The following CDKN2B-AS1 variants were observed in gnomAD, a reference collection of about 807,000 sequenced individuals.
The protein encoded by CDKN2B-AS1 is CDKN2B and CDKN2A antisense cis and trans regulatory RNA 1.
At chr9:22,101,137 C>G (rs1825470115) in intron 4 of CDKN2B-AS1, among the ~76,000 whole-genome samples, 1 of 152,188 alleles carries the variant, frequency 6.6e-6, no homozygotes, top group African/African-American at 2.4e-5. Flanking sequence ...CTTTCAGAGA[C>G]ACCCTTCAAC....
intron 1 of CDKN2B-AS1, among the ~76,000 whole-genome samples, chr9:21,998,712 T>TA (rs1291130029): frequency 6.6e-6 from 1 of 152,222 alleles, no homozygotes; most frequent in Admixed American, 6.5e-5. Context: ...AGAAAAATCT[T>TA]ACTGAATATC....
At chr9:22,026,631 T>C (rs1331583724) in intron 1 of CDKN2B-AS1, among the ~76,000 whole-genome samples, 3 of 152,206 alleles carry the variant, frequency 2.0e-5, no homozygotes, top group Non-Finnish European at 4.4e-5. Context: ...TCTCTGCTGA[T>C]CTCGCTGGAT....
At chr9:22,075,939 G>A (rs1824474328) in intron 4 of CDKN2B-AS1, among the ~76,000 whole-genome samples, 1 of 152,196 alleles carries the variant, frequency 6.6e-6, no homozygotes, top group Non-Finnish European at 1.5e-5. Flanking sequence ...GAAGGGTGAG[G>A]ACAGGAAGCA....
intron 4 of CDKN2B-AS1, among the ~76,000 whole-genome samples, chr9:22,079,255 G>T (rs932199658): frequency 6.6e-6 from 1 of 152,156 alleles, no homozygotes; most frequent in African/African-American, 2.4e-5. Context: ...AAGCCGAGGC[G>T]GGAGGATCAC....
intron 1 of CDKN2B-AS1, among the ~76,000 whole-genome samples, chr9:22,007,231 G>T (rs1821232603): frequency 6.6e-6 from 1 of 152,062 alleles, no homozygotes; most frequent in Non-Finnish European, 1.5e-5. Flanking sequence ...GCATGGTGGG[G>T]CGTGCCTGTA....
chr9:22,098,414 C>G (rs1180751946), intron 4 of CDKN2B-AS1, among the ~76,000 whole-genome samples: 3 of 147,284 alleles, frequency 2.0e-5, no homozygotes, highest in South Asian at 4.2e-4. Flanking sequence ...ATGCCATGGG[C>G]AAGAATTTTT....
At chr9:22,033,569 C>T (rs1240525928) in intron 1 of CDKN2B-AS1, among the ~76,000 whole-genome samples, 1 of 152,132 alleles carries the variant, frequency 6.6e-6, no homozygotes, top group African/African-American at 2.4e-5. Flanking sequence ...TAAAGCATAA[C>T]ATATAATAAC....
chr9:22,127,120 C>T (rs1032232676), exon 5 of CDKN2B-AS1, among the ~76,000 whole-genome samples: 4 of 151,926 alleles, frequency 2.6e-5, no homozygotes, highest in East Asian at 1.9e-4. Context: ...GTCACTCTGT[C>T]GCCCAGGCTG....
At chr9:22,033,531 A>T (rs571053675) in intron 1 of CDKN2B-AS1, among the ~76,000 whole-genome samples, 49 of 152,274 alleles carry the variant, frequency 3.2e-4, no homozygotes, top group Non-Finnish European at 5.9e-4. Context: ...TCCAATAAAA[A>T]CCTCATAATT....
intron 1 of CDKN2B-AS1, among the ~76,000 whole-genome samples, chr9:22,013,117 T>A (rs945292821): frequency 6.6e-6 from 1 of 152,208 alleles, no homozygotes; most frequent in African/African-American, 2.4e-5. Flanking sequence ...CCTGGATCTC[T>A]TGTGTGTGTC....
intron 1 of CDKN2B-AS1, among the ~76,000 whole-genome samples, chr9:22,038,325 T>A (rs1563938987): frequency 6.6e-6 from 1 of 151,988 alleles, no homozygotes; most frequent in Non-Finnish European, 1.5e-5. Flanking sequence ...TTCTTTAGTA[T>A]AATTCATTAA....
At position 21,996,450 on chromosome 9, in the gene CDKN2B-AS1, C is replaced by T. The variant is rs1370548495; in HGVS notation, n.29+1289C>T. On this transcript the variant is annotated intron_variant and non_coding_transcript_variant, in intron 1 of 4. Coordinates refer to ENST00000650946, the Ensembl canonical transcript of CDKN2B-AS1. The surrounding 1 kb of genome is among the most constrained non-coding windows in gnomAD (Gnocchi z 5.4). The stretch of plus-strand genomic sequence containing the variant: ...CCTCTTCGCAAATATAGCTCTTTTT[C>T]CTTCAGGTCTCTTCTGAAGTAAGTA... 1.3e-5 allele frequency among the ~76,000 whole-genome samples: 2 copies of T among 152,070 alleles called. No individual in the cohort carries two copies. The highest frequency in any genetic ancestry group is 2.4e-5 in the African/African-American group (1 of 41,394).
chr9:22,087,620 T>C (rs938932639), intron 4 of CDKN2B-AS1, among the ~76,000 whole-genome samples: 1 of 152,214 alleles, frequency 6.6e-6, no homozygotes, highest in African/African-American at 2.4e-5. Flanking sequence ...CTGTCAATCT[T>C]TTGAAAATAA....
At chr9:22,017,226 A>G (rs1425365137) in intron 1 of CDKN2B-AS1, among the ~76,000 whole-genome samples, 1 of 152,204 alleles carries the variant, frequency 6.6e-6, no homozygotes, top group Non-Finnish European at 1.5e-5. Context: ...GGAGTTCGAG[A>G]CCAGCCTGGC....
At chr9:22,059,351 G>T (rs112676209) in intron 4 of CDKN2B-AS1, among the ~76,000 whole-genome samples, 2 of 152,164 alleles carry the variant, frequency 1.3e-5, no homozygotes, top group African/African-American at 4.8e-5. Context: ...GAAGCAAAAG[G>T]GTTACAGGGC....
intron 4 of CDKN2B-AS1, among the ~76,000 whole-genome samples, chr9:22,123,749 T>C (rs1826140077): frequency 1.3e-5 from 2 of 152,202 alleles, no homozygotes; most frequent in Non-Finnish European, 2.9e-5. Flanking sequence ...TAGATTTATC[T>C]GTGTTGTTCC....
At position 22,081,921 on chromosome 9, in the gene CDKN2B-AS1, T is replaced by C. The variant is rs369583827; in HGVS notation, n.438+25534T>C. On this transcript the variant is annotated intron_variant and non_coding_transcript_variant, in intron 4 of 4. Transcript: ENST00000650946. ...ATTTTCCCAGGAGTTTTTTTTACTCTGTCTCCTCTTTCCTTCATATACCCC... is the reference window on the plus strand; with the variant it reads ...ATTTTCCCAGGAGTTTTTTTTACTCCGTCTCCTCTTTCCTTCATATACCCC... 8.5e-5 allele frequency among the ~76,000 whole-genome samples: 13 copies of C among 152,356 alleles called. No individual in the cohort carries two copies. The East Asian group carries it at 2.3e-3, about 27-fold the overall frequency.
In CDKN2B-AS1 at chr9:22,089,195, A is replaced by T. The variant is rs367948753; in HGVS notation, n.438+32808A>T. Among the ~76,000 whole-genome samples, 7 of 152,196 alleles carry T rather than the reference A, an allele frequency of 4.6e-5. No homozygotes were observed. The East Asian group carries it at 1.3e-3, about 29-fold the overall frequency. On this transcript the variant is annotated intron_variant and non_coding_transcript_variant, in intron 4 of 4. Transcript: ENST00000650946. Reference sequence around the variant, plus strand: ...CTAATTTCAAAAGATAATAGTTAAAAATTCAACTGTAGGACTAACACATTA... The same window carrying T: ...CTAATTTCAAAAGATAATAGTTAAATATTCAACTGTAGGACTAACACATTA...
rs186719411 is a variant in CDKN2B-AS1 at position 22,094,247 on chromosome 9, A to T, written n.439-32856A>T. ...CCGACCTTTCTCTCTGGCTGCCCTT[A>T]ACATTTTTTCCTTCATTTCAACTTT... On this transcript the variant is annotated intron_variant and non_coding_transcript_variant, in intron 4 of 4. Transcript: ENST00000650946. Among the ~76,000 whole-genome samples the T allele has an allele frequency of 8.5e-4, 122 of 143,508 alleles. 6 individuals carry two copies. Among genetic ancestry groups the T allele is most frequent in the East Asian group, 1.8e-3 (9 of 5,064 alleles). The allele number at this position is 143,508 out of a possible 152,430, so 94.1% of individuals were successfully genotyped here.
Sources: gnomAD v4.1 joint callset for allele counts (sites outside exome capture counted in the v4.1 genomes callset) on GRCh38, gnomAD v4.1.1 for gene constraint, Gnocchi (gnomAD v3.1) non-coding constraint, MANE v1.5 for transcripts, NCBI Gene and HGNC (gene_info 2026-07-23, HGNC 2026-07-21) for gene names.